Variants in ST6GALNAC5 observed in about 807,000 individuals in gnomAD.
ST6GALNAC5 encodes ST6 N-acetylgalactosaminide alpha-2,6-sialyltransferase 5, also known as alpha-N-acetylgalactosaminide alpha-2,6-sialyltransferase 5.
A neutral mutation model predicts 33.6 loss-of-function variants in ST6GALNAC5; 27 were observed. The ratio of observed to expected loss-of-function variants is 0.80; its 90% confidence interval spans 0.59 to 1.11. ST6GALNAC5 has a LOEUF of 1.11. ST6GALNAC5 is among the 50% of genes least tolerant of loss of function. The probability of loss-of-function intolerance (pLI) is 0.00; values close to 1 mark genes in which losing one functional copy is unlikely to be tolerated. For missense variants in ST6GALNAC5, 428 were observed against 454.0 expected, an observed-to-expected ratio of 0.94 and a Z score of 0.52; for synonymous variants, 194 against 171.2, an observed-to-expected ratio of 1.13 and a Z score of -1.04.
intron 2 of ST6GALNAC5, among the ~76,000 whole-genome samples, chr1:76,985,036 T>G (rs548982356): frequency 9.2e-5 from 14 of 152,134 alleles, no homozygotes; most frequent in African/African-American, 3.4e-4. Flanking sequence ...GAACTATTTA[T>G]GACAAACCCA....
chr1:77,054,799 G>T (rs1475383631), intron 4 of ST6GALNAC5, among the ~76,000 whole-genome samples: 1 of 152,124 alleles, frequency 6.6e-6, no homozygotes, highest in Non-Finnish European at 1.5e-5. Context: ...ACTTCTAGGA[G>T]TCAGTCATTG....
intron 2 of ST6GALNAC5, among the ~76,000 whole-genome samples, chr1:76,993,099 C>A (rs1331162219): frequency 2.0e-5 from 3 of 152,178 alleles, no homozygotes; most frequent in African/African-American, 7.2e-5. Context: ...TTTCTGTGTG[C>A]CATGCCCCTT....
In ST6GALNAC5 at chr1:77,022,722, G is replaced by T. The variant is rs75907435; in HGVS notation, c.262-21482G>T. 3.3e-5 allele frequency among the ~76,000 whole-genome samples: 5 copies of T among 152,282 alleles called. No homozygotes were observed. In the South Asian group the frequency reaches 1.0e-3, roughly 32 times the overall value. On this transcript the variant is annotated intron_variant, in intron 2 of 4. Transcript: ENST00000477717. ...AAAAAGTAAATATTTAAAAACTTGG[G>T]TTTTCTGGAATTGCGAGATTTCATT... is the stretch of plus-strand genomic sequence containing the variant.
rs576245439 is a variant in ST6GALNAC5, at chr1:77,036,121, A to G, written c.262-8083A>G. The stretch of plus-strand genomic sequence containing the variant: ...ATGTACAAGATGACGCTGAATTTTG[A>G]TGAACCTCAAAATTACTATGCTAAA... On this transcript the variant is annotated intron_variant, in intron 2 of 4. Coordinates refer to ENST00000477717, the MANE Select transcript of ST6GALNAC5 (RefSeq NM_030965.3). Among the ~76,000 whole-genome samples, 14 of 152,350 alleles carry G rather than the reference A, an allele frequency of 9.2e-5. No individual in the cohort carries two copies. The South Asian group carries it at 2.9e-3, about 32-fold the overall frequency.
At chr1:77,036,811 C>T (rs1014978516) in intron 2 of ST6GALNAC5, among the ~76,000 whole-genome samples, 4 of 152,250 alleles carry the variant, frequency 2.6e-5, no homozygotes. Flanking sequence ...AAAGTCCCTC[C>T]TTTCGGGGAG....
chr1:77,000,674 T>C (rs1383688949), intron 2 of ST6GALNAC5, among the ~76,000 whole-genome samples: 1 of 150,540 alleles, frequency 6.6e-6, no homozygotes, highest in East Asian at 2.0e-4. Flanking sequence ...TTGTATAAGG[T>C]GTAAGGAAGG....
chr1:76,953,238 C>T (rs539096893), intron 2 of ST6GALNAC5, among the ~76,000 whole-genome samples: 58 of 152,160 alleles, frequency 3.8e-4, no homozygotes, highest in Non-Finnish European at 6.6e-4. Context: ...CTATGATTGG[C>T]GCAAGAAACT....
At chr1:76,969,297 A>G (rs1648638425) in intron 2 of ST6GALNAC5, among the ~76,000 whole-genome samples, 1 of 152,198 alleles carries the variant, frequency 6.6e-6, no homozygotes, top group Non-Finnish European at 1.5e-5. Flanking sequence ...CAAAGACTGT[A>G]CCTGGAAAAA....
At chr1:76,981,241 G>A (rs1017700435) in intron 2 of ST6GALNAC5, among the ~76,000 whole-genome samples, 16 of 152,168 alleles carry the variant, frequency 1.1e-4, no homozygotes, top group African/African-American at 3.6e-4. Context: ...CCTAGCCAAG[G>A]GAAGCCGTGA....
intron 2 of ST6GALNAC5, among the ~76,000 whole-genome samples, chr1:76,919,643 T>TC (rs35583085): frequency 6.6e-6 from 1 of 152,118 alleles, no homozygotes; most frequent in African/African-American, 2.4e-5. Flanking sequence ...CATCTTAACA[T>TC]CCCCTGTGCC....
intron 2 of ST6GALNAC5, among the ~76,000 whole-genome samples, chr1:76,932,535 A>G (rs1395412504): frequency 6.6e-6 from 1 of 152,144 alleles, no homozygotes; most frequent in Non-Finnish European, 1.5e-5. Context: ...ACTAAACACA[A>G]ATGAGAGTCT....
chr1:76,932,732 T>G (rs1450407111), intron 2 of ST6GALNAC5, among the ~76,000 whole-genome samples: 1 of 152,120 alleles, frequency 6.6e-6, no homozygotes, highest in African/African-American at 2.4e-5. Flanking sequence ...GCCATCCCTC[T>G]TGCACACATG....
chr1:76,998,445 A>G (rs1220824162), intron 2 of ST6GALNAC5, among the ~76,000 whole-genome samples: 1 of 152,178 alleles, frequency 6.6e-6, no homozygotes, highest in Non-Finnish European at 1.5e-5. Flanking sequence ...GACATTTTAA[A>G]GGGAAAAAAT....
chr1:76,979,348 A>T (rs1649153531), intron 2 of ST6GALNAC5, among the ~76,000 whole-genome samples: 1 of 152,190 alleles, frequency 6.6e-6, no homozygotes, highest in Non-Finnish European at 1.5e-5. Flanking sequence ...AAATAAAGCA[A>T]CAGGTATCAC....
chr1:77,032,441 A>G (rs1651492825), intron 2 of ST6GALNAC5, among the ~76,000 whole-genome samples: 1 of 152,196 alleles, frequency 6.6e-6, no homozygotes, highest in African/African-American at 2.4e-5. Context: ...GCAGGAAGAT[A>G]GAAATGATTA....
intron 2 of ST6GALNAC5, among the ~76,000 whole-genome samples, chr1:76,917,498 A>G (rs571614528): frequency 3.3e-5 from 5 of 152,184 alleles, no homozygotes; most frequent in East Asian, 1.9e-4. Context: ...CTTACACACA[A>G]TATTCCAGTT....
At chr1:77,044,941 CA>C (rs373436528) in intron 3 of ST6GALNAC5, among the ~76,000 whole-genome samples, 21 of 150,470 alleles carry the variant, frequency 1.4e-4, no homozygotes, top group African/African-American at 9.7e-5. Flanking sequence ...AAACCCTCAC[CA>C]AAAAAAAAGT....
intron 2 of ST6GALNAC5, among the ~76,000 whole-genome samples, chr1:77,011,999 G>A (rs1650653356): frequency 6.6e-6 from 1 of 152,190 alleles, no homozygotes; most frequent in South Asian, 2.1e-4. Context: ...GAAGCTAAAT[G>A]ATTTGCCCAA....
intron 2 of ST6GALNAC5, among the ~76,000 whole-genome samples, chr1:76,961,724 C>G (rs1344742473): frequency 6.6e-6 from 1 of 152,178 alleles, no homozygotes; most frequent in Non-Finnish European, 1.5e-5. Context: ...GATCTCAGGT[C>G]AAATTTCACT....
Sources: gnomAD v4.1 joint callset for allele counts (sites outside exome capture counted in the v4.1 genomes callset) on GRCh38, gnomAD v4.1.1 for gene constraint, MANE v1.5 for transcripts, NCBI Gene and HGNC (gene_info 2026-07-23, HGNC 2026-07-21) for gene names.